The following NR5A2 variants were observed in gnomAD, a reference collection of about 807,000 sequenced individuals.
The protein encoded by NR5A2 is CYP7A promoter-binding factor.
In NR5A2, 26 loss-of-function variants were observed where a neutral mutation model predicts 62.7. The ratio of observed to expected loss-of-function variants is 0.41; its 90% CI spans 0.30 to 0.58. The LOEUF is 0.58. Ranked by LOEUF, NR5A2 falls within the 20% of genes least tolerant of loss-of-function variation. The probability of loss-of-function intolerance (pLI) is 0.22; values close to 1 mark genes in which losing one functional copy is unlikely to be tolerated. For missense variants in NR5A2, 541 were observed against 669.1 expected, an observed-to-expected ratio of 0.81 and a Z score of 2.11; for synonymous variants, 246 against 241.7, an observed-to-expected ratio of 1.02 and a Z score of -0.16.
At chr1:200,029,711 A>T (rs535551821) in intron 1 of NR5A2, 1 of 152,370 alleles carries the variant, frequency 6.6e-6, no homozygotes, top group East Asian at 1.9e-4. Context: ...GGATAACAAA[A>T]TTCCAGTCAA....
At chr1:200,144,424 A>G (rs368806152) in intron 7 of NR5A2, among the ~76,000 whole-genome samples, 188 of 152,042 alleles carry the variant, frequency 1.2e-3, no homozygotes, top group African/African-American at 4.3e-3. Context: ...CCTATTCTAT[A>G]TCTTACTACT....
intron 5 of NR5A2, among the ~76,000 whole-genome samples, chr1:200,049,621 C>T (rs1255562423): frequency 6.6e-6 from 1 of 152,172 alleles, no homozygotes; most frequent in East Asian, 1.9e-4. Flanking sequence ...TACCAAAACA[C>T]ATTTGGTAGT....
intron 5 of NR5A2, among the ~76,000 whole-genome samples, chr1:200,100,949 A>G (rs144474736): frequency 1.3e-5 from 2 of 152,252 alleles, no homozygotes; most frequent in Non-Finnish European, 2.9e-5. Context: ...TTTGGGGCTG[A>G]TCCTGATCCT....
At chr1:200,106,509 T>G (rs1665674904) in intron 5 of NR5A2, among the ~76,000 whole-genome samples, 1 of 152,218 alleles carries the variant, frequency 6.6e-6, no homozygotes, top group Non-Finnish European at 1.5e-5. Flanking sequence ...AGTAACTAGG[T>G]TTCTGAGATA....
intron 7 of NR5A2, among the ~76,000 whole-genome samples, chr1:200,144,229 TCTCTCACA>T (rs71132673): frequency 0.49 from 61,267 of 126,042 alleles, 15,208 homozygotes; most frequent in Non-Finnish European, 0.59. Context: ...TCTCTCTCTC[TCTCTCACA>T]CACACACACA....
At chr1:200,064,498 C>A (rs763902419) in intron 5 of NR5A2, among the ~76,000 whole-genome samples, 9 of 152,120 alleles carry the variant, frequency 5.9e-5, no homozygotes, top group Non-Finnish European at 1.3e-4. Flanking sequence ...TCAAGTAATT[C>A]CTATGGCTGG....
rs778784980 is a variant in NR5A2 at position 200,174,187 on chromosome 1, A to C, written c.1603A>C (p.Met535Leu). 6.2e-7 allele frequency: 1 copy of C among 1,604,642 alleles called. No individual in the cohort carries two copies. Among genetic ancestry groups the C allele is most frequent in the Non-Finnish European group, 8.5e-7 (1 of 1,174,580 alleles). ...DVPYNNLLIE[M>L]LHAKRA ...GCCCTATAATAACCTTCTCATTGAA[A>C]TGTTGCATGCCAAAAGAGCATAAGT... is the stretch of plus-strand genomic sequence containing the variant. Residue 535 changes from methionine to leucine, a missense_variant, in exon 8 of 8, where the codon ATG becomes CTG. Around this residue, in one of 3 missense-constraint regions of NR5A2, gnomAD observed 379 missense variants for 442.0 expected, o/e 0.86. Coordinates refer to ENST00000367362, the MANE Select transcript of NR5A2 (RefSeq NM_205860.3).
chr1:200,070,264 G>A (rs889947178), intron 5 of NR5A2, among the ~76,000 whole-genome samples: 3 of 152,186 alleles, frequency 2.0e-5, no homozygotes, highest in East Asian at 1.9e-4. Context: ...CGGCTTTCTC[G>A]GTCTTTTGGT....
intron 7 of NR5A2, among the ~76,000 whole-genome samples, chr1:200,163,027 A>G (rs1653714890): frequency 6.6e-6 from 1 of 152,166 alleles, no homozygotes; most frequent in Admixed American, 6.5e-5. Context: ...AGCATTGAAC[A>G]CACTGAAATA....
chr1:200,034,247 C>G (rs545227066), intron 1 of NR5A2, among the ~76,000 whole-genome samples: 141 of 152,276 alleles, frequency 9.3e-4, no homozygotes, highest in Middle Eastern at 3.4e-3. Context: ...CGAGGCTGGA[C>G]AGAATTGATT....
intron 1 of NR5A2, among the ~76,000 whole-genome samples, chr1:200,038,019 C>T (rs1661858177): frequency 6.6e-6 from 1 of 152,212 alleles, no homozygotes. Context: ...TGGGTGGACT[C>T]TGATAATTAC....
At chr1:200,116,416 T>G (rs1181479294) in intron 6 of NR5A2, among the ~76,000 whole-genome samples, 1 of 152,228 alleles carries the variant, frequency 6.6e-6, no homozygotes, top group Non-Finnish European at 1.5e-5. Context: ...TCCTTGGAGC[T>G]TGAAAAGAGA....
At chr1:200,051,649 G>A (rs916942301) in intron 5 of NR5A2, among the ~76,000 whole-genome samples, 5 of 152,128 alleles carry the variant, frequency 3.3e-5, no homozygotes, top group African/African-American at 1.2e-4. Context: ...CTTTGACCAG[G>A]AGTGATTCAA....
chr1:200,173,881 A>G (rs1654295342), intron 7 of NR5A2, 82 bp from the exon 8 acceptor site: 3 of 1,318,072 alleles, frequency 2.3e-6, no homozygotes, highest in South Asian at 3.9e-5. Flanking sequence ...AAATACATCC[A>G]TTAATTGAAC....
intron 7 of NR5A2, among the ~76,000 whole-genome samples, chr1:200,127,696 AAAAAAAAAAAAAAATATATAT>A (rs1221107156): frequency 5.3e-5 from 5 of 93,646 alleles, no homozygotes; most frequent in Non-Finnish European, 1.1e-4. Context: ...AAAAAAAAAA[AAAAAAAAAAAAAAATATATAT>A]ATATATATAT....
In NR5A2 at chr1:200,176,187, G is replaced by A. The variant is rs1280050637; in HGVS notation, c.*1977G>A. On this transcript the variant is annotated 3_prime_UTR_variant, in exon 8 of 8. Transcript: ENST00000367362. ...ATTATGTGACTTGTAGCTTCCTCTGGTTTTCAAGTAAACTCAACAAGGTGG... is the reference window on the plus strand; with the variant it reads ...ATTATGTGACTTGTAGCTTCCTCTGATTTTCAAGTAAACTCAACAAGGTGG... 2 of 152,502 alleles carry A rather than the reference G, an allele frequency of 1.3e-5. No homozygotes were observed. The highest frequency in any genetic ancestry group is 2.4e-5 in the African/African-American group (1 of 41,396). 9.4% of individuals were successfully genotyped at this position (152,502 alleles called of 1,614,324 possible).
At chr1:200,037,651 C>G (rs1661840959) in intron 1 of NR5A2, among the ~76,000 whole-genome samples, 1 of 152,158 alleles carries the variant, frequency 6.6e-6, no homozygotes, top group Non-Finnish European at 1.5e-5. Context: ...GATACTATCA[C>G]AAAAATTGGA....
Position 200,074,417 on chromosome 1 carries a change from GA to G in NR5A2, c.1110+25608del, listed in dbSNP as rs200275646. On this transcript the variant is annotated intron_variant, in intron 5 of 7. Coordinates refer to ENST00000367362, the MANE Select transcript of NR5A2 (RefSeq NM_205860.3). Reference sequence around the variant, plus strand: ...AATCTAAAAGAAAAGAAAAAAAAAAGAAAAAAAAACAAGAAAGAGAGAAAGA... The same window carrying G: ...AATCTAAAAGAAAAGAAAAAAAAAAGAAAAAAAACAAGAAAGAGAGAAAGA... 5.0e-5 allele frequency among the ~76,000 whole-genome samples: 7 copies of G among 140,664 alleles called. 1 individual carries two copies. The highest frequency in any genetic ancestry group is 2.1e-4 in the Admixed American group (3 of 14,126). 92.3% of individuals were successfully genotyped at this position (140,664 alleles called of 152,430 possible).
chr1:200,055,212 T>G (rs1034182157), intron 5 of NR5A2, among the ~76,000 whole-genome samples: 5 of 151,526 alleles, frequency 3.3e-5, no homozygotes, highest in Admixed American at 6.6e-5. Context: ...TTTTTTTTTT[T>G]GTGACGGAGT....
Sources: allele counts gnomAD v4.1 joint callset (sites outside exome capture counted in the v4.1 genomes callset), GRCh38; gene constraint gnomAD v4.1.1; regional missense constraint gnomAD v4.1.1; transcripts MANE v1.5; gene names NCBI Gene and HGNC (gene_info 2026-07-23, HGNC 2026-07-21).